Variants in PLPP4 observed in about 807,000 individuals in gnomAD.
PLPP4 encodes the protein phospholipid phosphatase 4.
In PLPP4, 20 loss-of-function variants were observed where a neutral mutation model predicts 32.2. The observed-to-expected ratio is 0.62, with a 90% CI of 0.44 to 0.90. PLPP4 has a LOEUF of 0.90. Among genes scored for constraint, PLPP4 ranks in the 40% least tolerant of loss-of-function variants. PLPP4 has a pLI of 0.00. For missense variants in PLPP4, 257 were observed against 353.1 expected (o/e 0.73, Z 2.18); for synonymous variants, 127 against 133.0 (o/e 0.95, Z 0.31).
At chr10:120,477,499 C>T (rs1043232328) in intron 1 of PLPP4, among the ~76,000 whole-genome samples, 4 of 152,180 alleles carry the variant, frequency 2.6e-5, no homozygotes, top group Admixed American at 6.5e-5. Flanking sequence ...TTTTTCTGCT[C>T]GCTGAGCTGG....
At chr10:120,559,790 TA>T (rs1323437725) in intron 5 of PLPP4, among the ~76,000 whole-genome samples, 2 of 152,232 alleles carry the variant, frequency 1.3e-5, no homozygotes, top group African/African-American at 4.8e-5. Flanking sequence ...TTTACTATCA[TA>T]AAATATACAC....
chr10:120,577,461 G>A (rs1461005767), intron 6 of PLPP4, among the ~76,000 whole-genome samples: 1 of 152,152 alleles, frequency 6.6e-6, no homozygotes, highest in Non-Finnish European at 1.5e-5. Flanking sequence ...CACAGCTCTT[G>A]TCTTTAGGGA....
chr10:120,578,280 TCAA>T (rs1849318128), intron 6 of PLPP4, among the ~76,000 whole-genome samples: 1 of 152,354 alleles, frequency 6.6e-6, no homozygotes, highest in Admixed American at 6.5e-5. Flanking sequence ...AGTGAGGTCT[TCAA>T]CTGCAGTGTA....
intron 1 of PLPP4, among the ~76,000 whole-genome samples, chr10:120,459,099 G>C (rs762117763): frequency 6.6e-6 from 1 of 152,170 alleles, no homozygotes; most frequent in East Asian, 1.9e-4. Flanking sequence ...ATATACAATG[G>C]TCTATGCAGT....
At chr10:120,493,173 C>T (rs528659400) in intron 1 of PLPP4, among the ~76,000 whole-genome samples, 1 of 152,192 alleles carries the variant, frequency 6.6e-6, no homozygotes, top group South Asian at 2.1e-4. Flanking sequence ...CTGGTCAGAG[C>T]ACATATGTTT....
At chr10:120,581,433 T>A in intron 6 of PLPP4, 1 of 405,258 alleles carries the variant, frequency 2.5e-6, no homozygotes, top group Non-Finnish European at 3.3e-6. Context: ...AATGTGCCTT[T>A]AGAGCCTGCG....
At chr10:120,522,231 C>T (rs1846185249) in intron 5 of PLPP4, among the ~76,000 whole-genome samples, 1 of 152,170 alleles carries the variant, frequency 6.6e-6, no homozygotes, top group African/African-American at 2.4e-5. Context: ...ATACCCGAGA[C>T]ACATCCTACT....
At position 120,553,146 on chromosome 10, in the gene PLPP4, G is replaced by A. The variant is rs146322446; in HGVS notation, c.446-21985G>A. ...AAACACCTATTTCGGCCAAATCCTG[G>A]TGGGAGCCTCTTACTCTTTCTCAGT... On this transcript the variant is annotated intron_variant, in intron 5 of 6. Transcript: ENST00000398250. Among the ~76,000 whole-genome samples, 41 of 152,292 alleles carry A rather than the reference G, an allele frequency of 2.7e-4. No homozygotes were observed. In the East Asian group the frequency reaches 5.4e-3, roughly 20 times the overall value.
intron 5 of PLPP4, among the ~76,000 whole-genome samples, chr10:120,523,361 C>T (rs797014887): frequency 1.3e-5 from 2 of 151,934 alleles, no homozygotes; most frequent in African/African-American, 2.4e-5. Flanking sequence ...CTGTGACTTA[C>T]GGCAGAACAC....
At chr10:120,474,403 A>T (rs560425546) in intron 1 of PLPP4, among the ~76,000 whole-genome samples, 3 of 152,214 alleles carry the variant, frequency 2.0e-5, no homozygotes, top group Non-Finnish European at 1.5e-5. Context: ...CTCAGAATTT[A>T]CTTTTCTGTG....
At chr10:120,567,900 G>C (rs1848762158) in intron 5 of PLPP4, among the ~76,000 whole-genome samples, 1 of 152,162 alleles carries the variant, frequency 6.6e-6, no homozygotes, top group Non-Finnish European at 1.5e-5. Context: ...GAGGCTACTA[G>C]TTCTATTTAT....
intron 5 of PLPP4, among the ~76,000 whole-genome samples, chr10:120,526,066 T>C (rs1232982856): frequency 1.3e-5 from 2 of 152,152 alleles, no homozygotes; most frequent in African/African-American, 2.4e-5. Context: ...TCTTTCCTAC[T>C]GTCTAGCTCT....
intron 6 of PLPP4, among the ~76,000 whole-genome samples, chr10:120,582,229 GT>G (rs1413486299): frequency 6.6e-6 from 1 of 152,198 alleles, no homozygotes; most frequent in Non-Finnish European, 1.5e-5. Context: ...AAATCAAAGT[GT>G]TGGCAAAGCC....
chr10:120,482,568 A>T (rs940917348), intron 1 of PLPP4, among the ~76,000 whole-genome samples: 4 of 152,174 alleles, frequency 2.6e-5, no homozygotes, highest in African/African-American at 9.7e-5. Context: ...GAAGCAGAGC[A>T]TGAAAGTTTG....
At chr10:120,463,771 T>A (rs1247931751) in intron 1 of PLPP4, among the ~76,000 whole-genome samples, 1 of 151,310 alleles carries the variant, frequency 6.6e-6, no homozygotes, top group Non-Finnish European at 1.5e-5. Context: ...TCTCCTCAGC[T>A]CCAGCCATCT....
chr10:120,573,193 A>G (rs1293127999), intron 5 of PLPP4, among the ~76,000 whole-genome samples: 2 of 152,198 alleles, frequency 1.3e-5, no homozygotes, highest in African/African-American at 4.8e-5. Context: ...GGTGCTAATC[A>G]TTACGCAGAA....
intron 5 of PLPP4, among the ~76,000 whole-genome samples, chr10:120,528,068 C>CT (rs1564817488): frequency 3.1e-4 from 37 of 120,234 alleles, no homozygotes; most frequent in African/African-American, 1.2e-3. Context: ...TACCACTCTC[C>CT]GTTTTTTTTT....
intron 5 of PLPP4, among the ~76,000 whole-genome samples, chr10:120,537,908 T>TC (rs1197569572): frequency 1.3e-5 from 2 of 151,022 alleles, no homozygotes; most frequent in Non-Finnish European, 2.9e-5. Flanking sequence ...CTGGAAATTG[T>TC]CCCAATCCTG....
chr10:120,531,406 C>T (rs755279029), intron 5 of PLPP4, among the ~76,000 whole-genome samples: 1 of 151,958 alleles, frequency 6.6e-6, no homozygotes, highest in Non-Finnish European at 1.5e-5. Flanking sequence ...GCCTGGCAGC[C>T]TTTTATTTTC....
Sources: allele counts gnomAD v4.1 joint callset (sites outside exome capture counted in the v4.1 genomes callset), GRCh38; gene constraint gnomAD v4.1.1; transcripts MANE v1.5; gene names NCBI Gene and HGNC (gene_info 2026-07-23, HGNC 2026-07-21).